Variants in RABGAP1L observed in about 807,000 individuals in gnomAD.
RABGAP1L encodes RAB GTPase activating protein 1 like.
RABGAP1L carries 63 observed loss-of-function variants against 137.7 expected under a neutral mutation model. That is an observed-to-expected ratio of 0.46 (90% CI 0.37 to 0.56). The LOEUF (loss-of-function observed/expected upper bound fraction) is 0.56. Among genes scored for constraint, RABGAP1L ranks in the 20% least tolerant of loss-of-function variants. The pLI, the probability that RABGAP1L is intolerant of heterozygous loss-of-function variation, is 0.00. For missense variants in RABGAP1L, 1,095 were observed against 1,244.0 expected, an observed-to-expected ratio of 0.88 and a Z score of 1.80; for synonymous variants, 431 against 433.7, an observed-to-expected ratio of 0.99 and a Z score of 0.08.
chr1:174,695,075 G>C (rs1679151021), intron 15 of RABGAP1L, among the ~76,000 whole-genome samples: 1 of 152,092 alleles, frequency 6.6e-6, no homozygotes, highest in Non-Finnish European at 1.5e-5. Flanking sequence ...ATTTGTTTGA[G>C]TTCATTGTAG....
At chr1:174,782,795 A>G (rs1259067264) in intron 18 of RABGAP1L, among the ~76,000 whole-genome samples, 1 of 152,198 alleles carries the variant, frequency 6.6e-6, no homozygotes, top group Non-Finnish European at 1.5e-5. Context: ...CTCAGCTCAC[A>G]CCTGACCAAT....
At chr1:174,581,235 A>G (rs983308658) in intron 13 of RABGAP1L, among the ~76,000 whole-genome samples, 3 of 152,356 alleles carry the variant, frequency 2.0e-5, no homozygotes, top group African/African-American at 7.2e-5. Context: ...ATTTAGCAAC[A>G]TTGTTCATAA....
intron 14 of RABGAP1L, among the ~76,000 whole-genome samples, chr1:174,662,110 T>C (rs1047881905): frequency 8.6e-6 from 1 of 116,458 alleles, no homozygotes; most frequent in Non-Finnish European, 1.7e-5. Flanking sequence ...TTCTTTTTTT[T>C]TTTTTTTTTT....
At chr1:174,311,469 G>A (rs1241972560) in intron 11 of RABGAP1L, among the ~76,000 whole-genome samples, 4 of 152,116 alleles carry the variant, frequency 2.6e-5, no homozygotes, top group Non-Finnish European at 4.4e-5. Context: ...TACTCTCTGT[G>A]TCCATGACTT....
At chr1:174,657,272 C>T (rs1416252863) in intron 14 of RABGAP1L, among the ~76,000 whole-genome samples, 1 of 152,154 alleles carries the variant, frequency 6.6e-6, no homozygotes, top group Non-Finnish European at 1.5e-5. Flanking sequence ...TCAATATCTT[C>T]CTTCCAGCTA....
In RABGAP1L at chr1:174,305,047, G is replaced by A. The variant is rs373960756; in HGVS notation, c.1385G>A (p.Arg462Gln). 13 of 1,563,578 alleles carry A rather than the reference G, an allele frequency of 8.3e-6. No individual in the cohort carries two copies. Among genetic ancestry groups the A allele is most frequent in the Middle Eastern group, 1.7e-4 (1 of 5,962 alleles). Residue 462 changes from arginine to glutamine, a missense_variant, in exon 11 of 26, where the codon CGA becomes CAA. Coordinates refer to ENST00000681986, the MANE Select transcript of RABGAP1L (RefSeq NM_001366446.1). ...DAIYEVVSLQ[R>Q]ESDKEEPVTP... ...ATATATGAGGTGGTGAGTCTACAGC[G>A]AGAGTCTGACAAGGAGGAACCAGTC... is the stretch of plus-strand genomic sequence containing the variant.
intron 13 of RABGAP1L, among the ~76,000 whole-genome samples, chr1:174,532,225 T>G (rs902993911): frequency 1.3e-5 from 2 of 151,814 alleles, no homozygotes; most frequent in South Asian, 2.1e-4. Flanking sequence ...GTTTTTTTTT[T>G]TGGGACACAG....
intron 19 of RABGAP1L, among the ~76,000 whole-genome samples, chr1:174,859,780 AC>A (rs982105532): frequency 6.6e-6 from 1 of 151,730 alleles, no homozygotes; most frequent in African/African-American, 2.4e-5. Context: ...GTACAAAAAA[AC>A]CCCATGGCAC....
In RABGAP1L at chr1:174,976,103, A is replaced by G. The variant is rs747383692; in HGVS notation, c.2570A>G (p.Asn857Ser). The change falls in exon 22 of 26, where the codon AAT (asparagine) becomes AGT (serine). Residue 857 changes from asparagine (N) to serine (S), a missense_variant. Transcript: ENST00000681986. ...GCAGAAGACAAGGCAGATGTGTTGA[A>G]TAAAGAGCTCCTTTTGACCAAACAG... Reference protein sequence around the residue: ...DQAEDKADVLNKELLLTKQRL... With the variant: ...DQAEDKADVLSKELLLTKQRL... 24 of 1,551,008 alleles carry G rather than the reference A, an allele frequency of 1.5e-5. No individual in the cohort carries two copies. The highest frequency in any genetic ancestry group is 3.5e-6 in the Non-Finnish European group (4 of 1,147,122).
At chr1:174,508,539 A>G (rs1220465735) in intron 13 of RABGAP1L, among the ~76,000 whole-genome samples, 1 of 152,188 alleles carries the variant, frequency 6.6e-6, no homozygotes, top group Non-Finnish European at 1.5e-5. Context: ...AAAAGTGGCT[A>G]AGATCTGATG....
intron 11 of RABGAP1L, among the ~76,000 whole-genome samples, chr1:174,321,702 C>G (rs1039952782): frequency 3.3e-5 from 5 of 152,152 alleles, no homozygotes; most frequent in African/African-American, 1.2e-4. Flanking sequence ...TACCAAGCTA[C>G]TTTTCCATCC....
rs1031593452 is a variant in RABGAP1L, at chr1:174,809,603, A to G, written c.2212-2229A>G. Among the ~76,000 whole-genome samples the G allele has an allele frequency of 1.4e-4, 22 of 152,300 alleles. 1 individual carries two copies. The highest frequency in any genetic ancestry group is 1.4e-3 in the Admixed American group (21 of 15,294). On this transcript the variant is annotated intron_variant, in intron 18 of 25. Coordinates refer to ENST00000681986, the MANE Select transcript of RABGAP1L (RefSeq NM_001366446.1). ...CATTTTGGGGCATCTGTTTCCAGGTAACTAGAGGTTAATTGCATTGAAAAT... is the reference window on the plus strand; with the variant it reads ...CATTTTGGGGCATCTGTTTCCAGGTGACTAGAGGTTAATTGCATTGAAAAT...
At chr1:174,250,272 T>G (rs1210777546) in intron 5 of RABGAP1L, among the ~76,000 whole-genome samples, 1 of 152,158 alleles carries the variant, frequency 6.6e-6, no homozygotes, top group African/African-American at 2.4e-5. Context: ...AGTTGTTTAC[T>G]CCCTCTTTTT....
intron 13 of RABGAP1L, among the ~76,000 whole-genome samples, chr1:174,584,082 G>T (rs900039459): frequency 2.0e-5 from 3 of 152,100 alleles, no homozygotes; most frequent in African/African-American, 7.2e-5. Flanking sequence ...GCCTAAAGAA[G>T]ATTGAGAAAC....
intron 13 of RABGAP1L, among the ~76,000 whole-genome samples, chr1:174,525,710 T>A (rs1178537572): frequency 6.6e-6 from 1 of 152,144 alleles, no homozygotes; most frequent in Non-Finnish European, 1.5e-5. Flanking sequence ...CATTCTTGTT[T>A]CATTTTGTAG....
intron 17 of RABGAP1L, among the ~76,000 whole-genome samples, chr1:174,722,330 T>A (rs780877219): frequency 2.6e-5 from 4 of 152,260 alleles, no homozygotes; most frequent in Non-Finnish European, 5.9e-5. Context: ...ATTCTACACT[T>A]ACACGAATGG....
intron 13 of RABGAP1L, among the ~76,000 whole-genome samples, chr1:174,586,049 A>G (rs999960839): frequency 3.9e-5 from 6 of 152,224 alleles, no homozygotes; most frequent in Admixed American, 3.3e-4. Flanking sequence ...AATATAAATC[A>G]TTCTATTAAA....
chr1:174,343,905 C>T (rs1682204464), intron 11 of RABGAP1L, among the ~76,000 whole-genome samples: 3 of 152,140 alleles, frequency 2.0e-5, no homozygotes, highest in Non-Finnish European at 4.4e-5. Flanking sequence ...TTTGTGCTTT[C>T]CCCTAGAAGT....
chr1:174,828,804 C>G lies in RABGAP1L; in HGVS notation c.2340+16844C>G, dbSNP rs544720947. 3.4e-5 allele frequency among the ~76,000 whole-genome samples: 5 copies of G among 148,094 alleles called. No individual in the cohort carries two copies. The South Asian group carries it at 1.1e-3, about 33-fold the overall frequency. On this transcript the variant is annotated intron_variant, in intron 19 of 25. Coordinates refer to ENST00000681986, the MANE Select transcript of RABGAP1L (RefSeq NM_001366446.1). ...TTATTTATTCTGACTCTGGCAATTC[C>G]TACACTAGAGCACCACTGTTGGCGT... is the stretch of plus-strand genomic sequence containing the variant.
Sources: allele counts gnomAD v4.1 joint callset (sites outside exome capture counted in the v4.1 genomes callset), GRCh38; gene constraint gnomAD v4.1.1; transcripts MANE v1.5; gene names NCBI Gene and HGNC (gene_info 2026-07-23, HGNC 2026-07-21).